Variants in STARD8 observed in about 807,000 individuals in gnomAD.
The protein encoded by STARD8 is StAR related lipid transfer domain containing 8.
STARD8 carries 25 observed loss-of-function variants against 69.4 expected under a neutral mutation model. That is an observed-to-expected ratio of 0.36 (90% confidence interval 0.26 to 0.50). The LOEUF (loss-of-function observed/expected upper bound fraction) is 0.50. Among genes scored for constraint, STARD8 ranks in the 20% least tolerant of loss-of-function variants. The pLI, the probability that STARD8 is intolerant of heterozygous loss-of-function variation, is 0.96. For synonymous variants in STARD8, 389 were observed against 374.6 expected (o/e 1.04, Z -0.45); for missense variants, 921 against 932.5 (o/e 0.99, Z 0.16).
intron 2 of STARD8, among the ~76,000 whole-genome samples, chrX:68,697,805 T>C (rs2079933146): frequency 8.9e-6 from 1 of 112,132 alleles, no homozygotes; most frequent in African/African-American, 3.2e-5. Context: ...AGAGATTCCC[T>C]CAGTGCAGGC....
chrX:68,653,151 C>A (rs2079575067), intron 1 of STARD8, among the ~76,000 whole-genome samples: 7 of 26,914 alleles, frequency 2.6e-4, no homozygotes, highest in African/African-American at 9.7e-4. Context: ...ACACACACCA[C>A]ACCAAACACA....
chrX:68,721,987 T>A, intron 10 of STARD8, 60 bp from the exon 11 acceptor site: 1 of 1,055,035 alleles, frequency 9.5e-7, no homozygotes, highest in Non-Finnish European at 1.3e-6. Flanking sequence ...GCAGCCTGTC[T>A]GCCATCTTGT....
rs941020503 is a variant in STARD8, at chrX:68,724,478, G to T, written c.*56G>T. On this transcript the variant is annotated 3_prime_UTR_variant, in exon 15 of 15. Coordinates refer to ENST00000374599, the MANE Select transcript of STARD8 (RefSeq NM_001142503.3). ...CAGGCCCCCTGGGCACCAAGGGAGC[G>T]AGGGGGAATAAGAGCAGGGCAGCCC... 3 of 1,050,395 alleles carry T rather than the reference G, an allele frequency of 2.9e-6. No individual in the cohort carries two copies. Among genetic ancestry groups the T allele is most frequent in the Non-Finnish European group, 3.9e-6 (3 of 764,434 alleles). The allele number at this position is 1,050,395 out of a possible 1,213,427, so 86.6% of individuals were successfully genotyped here. A position where few individuals can be genotyped will look rare whatever the true frequency, so the allele number is the denominator to read the frequency against.
At chrX:68,654,409 T>A (rs1396207948) in intron 1 of STARD8, among the ~76,000 whole-genome samples, 1 of 111,550 alleles carries the variant, frequency 9.0e-6, no homozygotes, top group Non-Finnish European at 1.9e-5. Flanking sequence ...AAGGCTTCTA[T>A]GGGAGTTAAA....
intron 1 of STARD8, among the ~76,000 whole-genome samples, chrX:68,653,069 C>A (rs900822698): frequency 3.2e-5 from 1 of 30,998 alleles, no homozygotes; most frequent in East Asian, 1.2e-3. Context: ...ACACCACACA[C>A]CACACACACA....
chrX:68,658,897 G>T (rs764948202), intron 1 of STARD8, among the ~76,000 whole-genome samples: 61 of 112,649 alleles, frequency 5.4e-4, no homozygotes, highest in Non-Finnish European at 9.8e-4. Context: ...CTGCCAAGGG[G>T]CAGGGGAAAG....
chrX:68,661,965 TCTCTC>T (rs1569353743), intron 1 of STARD8, among the ~76,000 whole-genome samples: 13 of 77,367 alleles, frequency 1.7e-4, no homozygotes, highest in South Asian at 1.4e-3. Context: ...TCTCTCTCTC[TCTCTC>T]TCTTTCTTTC....
At chrX:68,689,239 G>C (rs763679535) in intron 2 of STARD8, among the ~76,000 whole-genome samples, 2 of 105,081 alleles carry the variant, frequency 1.9e-5, no homozygotes, top group African/African-American at 7.0e-5. Flanking sequence ...CAAGTGCTCT[G>C]TCCACGGTGA....
Position 68,717,840 on chromosome X carries a change from C to T in STARD8, c.926C>T (p.Thr309Ile), listed in dbSNP as rs1344089785. The T allele has an allele frequency of 3.3e-6, 4 of 1,209,429 alleles. No individual in the cohort carries two copies. The highest frequency in any genetic ancestry group is 4.5e-6 in the Non-Finnish European group (4 of 894,719). ...GTTCCTGGGGACCACAAACCAGGCA[C>T]ATTCCCTCGCTCCCTGTCCATTGAG... ...VHVPGDHKPG[T>I]FPRSLSIESL... The change falls in exon 6 of 15, where the codon ACA (threonine) becomes ATA (isoleucine). Residue 309 changes from threonine to isoleucine, a missense_variant. Coordinates refer to ENST00000374599, the MANE Select transcript of STARD8 (RefSeq NM_001142503.3).
chrX:68,668,111 T>TTCG (rs2079699333), intron 2 of STARD8, among the ~76,000 whole-genome samples: 2 of 96,863 alleles, frequency 2.1e-5, no homozygotes, highest in African/African-American at 8.0e-5. Context: ...CTTTCTTTCT[T>TTCG]TCTGTCTTTC....
chrX:68,661,104 C>T lies in STARD8; in HGVS notation c.46-4395C>T, dbSNP rs936280316. On this transcript the variant is annotated intron_variant, in intron 1 of 14. Coordinates refer to ENST00000374599, the MANE Select transcript of STARD8 (RefSeq NM_001142503.3). Reference sequence around the variant, plus strand: ...GAAGGGAGAGGTGGGGCAGAGAAACCAGGCAAGGCAAGGAAAAAAAGTCTC... The same window carrying T: ...GAAGGGAGAGGTGGGGCAGAGAAACTAGGCAAGGCAAGGAAAAAAAGTCTC... 3.6e-5 allele frequency among the ~76,000 whole-genome samples: 4 copies of T among 111,455 alleles called. No individual in the cohort carries two copies. The Admixed American group carries it at 3.8e-4, about 11-fold the overall frequency.
At chrX:68,686,103 G>A in intron 2 of STARD8, among the ~76,000 whole-genome samples, 1 of 111,998 alleles carries the variant, frequency 8.9e-6, no homozygotes, top group South Asian at 3.7e-4. Flanking sequence ...TCAGTGGAGG[G>A]AAAACTCGCA....
chrX:68,712,775 G>A (rs2080060995), intron 2 of STARD8, 139 bp from the exon 3 acceptor site: 1 of 553,123 alleles, frequency 1.8e-6, no homozygotes, highest in South Asian at 3.2e-5. Flanking sequence ...AGGACCTCTG[G>A]CCTTCTCTTG....
rs373291071 is a variant in STARD8, at chrX:68,722,464, G to A, written c.2617G>A (p.Ala873Thr). Residue 873 changes from alanine to threonine, a missense_variant, in exon 12 of 15, where the codon GCA becomes ACA. By Grantham distance (58) the Ala-to-Thr change is moderately conservative (BLOSUM62 0). Transcript: ENST00000374599. ...MVLQLCSSYSAAELSPPGPAL... is the reference protein window; with the variant it reads ...MVLQLCSSYSTAELSPPGPAL... The stretch of plus-strand genomic sequence containing the variant: ...GCTGCAGCTGTGCAGCTCCTACAGC[G>A]CAGCTGAGCTCAGCCCTCCCGGCCC... The A allele has an allele frequency of 4.4e-5, 53 of 1,207,287 alleles. No homozygotes were observed. The highest frequency in any genetic ancestry group is 1.9e-4 in the African/African-American group (11 of 57,335).
chrX:68,723,683 C>A lies in STARD8; in HGVS notation c.2857C>A (p.Pro953Thr), dbSNP rs2080171674. 3 of 1,199,141 alleles carry A rather than the reference C, an allele frequency of 2.5e-6. No individual in the cohort carries two copies. Among genetic ancestry groups the A allele is most frequent in the East Asian group, 3.0e-5 (1 of 33,194 alleles). The change falls in exon 13 of 15, where the codon CCA (proline) becomes ACA (threonine). Residue 953 changes from proline to threonine, a missense_variant. Transcript: ENST00000374599. ...WKASTEVAAPPAVVLHRVLRE... is the reference protein window; with the variant it reads ...WKASTEVAAPTAVVLHRVLRE... ...GGCATCCACAGAGGTGGCAGCCCCC[C>A]CAGCTGTGGTGCTGCATCGTGTTCT... is the stretch of plus-strand genomic sequence containing the variant.
At chrX:68,667,130 A>C (rs1021114235) in intron 2 of STARD8, among the ~76,000 whole-genome samples, 11 of 112,246 alleles carry the variant, frequency 9.8e-5, no homozygotes, top group African/African-American at 3.6e-4. Context: ...GCTATTTCTT[A>C]GGTTAAAGTT....
intron 1 of STARD8, among the ~76,000 whole-genome samples, chrX:68,659,138 A>C (rs766840170): frequency 1.8e-4 from 20 of 112,236 alleles, no homozygotes; most frequent in African/African-American, 6.1e-4. Context: ...CATGAGGAGA[A>C]TATTCCCCAC....
In STARD8 at chrX:68,722,603, T is replaced by G; in HGVS notation, c.2756T>G (p.Met919Arg). Residue 919 changes from methionine (M) to arginine (R), a missense_variant, in exon 12 of 15, where the codon ATG (methionine) becomes AGG (arginine). Physicochemically the swap from Met to Arg is moderately conservative, Grantham distance 91 (BLOSUM62 -1). Coordinates refer to ENST00000374599, the MANE Select transcript of STARD8 (RefSeq NM_001142503.3). Reference sequence around the variant, plus strand: ...GCTGCTGAGCGCTTCAAGGGCTGGATGAGCGTGCCAGGGCCCCAGCACACG... The same window carrying G: ...GCTGCTGAGCGCTTCAAGGGCTGGAGGAGCGTGCCAGGGCCCCAGCACACG... ...RDAAERFKGW[M>R]SVPGPQHTEL... The G allele has an allele frequency of 1.7e-6, 2 of 1,211,925 alleles. No homozygotes were observed. Among genetic ancestry groups the G allele is most frequent in the African/African-American group, 3.5e-5 (2 of 57,892 alleles).
intron 2 of STARD8, among the ~76,000 whole-genome samples, chrX:68,697,207 T>C (rs1336273381): frequency 8.9e-6 from 1 of 112,285 alleles, no homozygotes; most frequent in African/African-American, 3.2e-5. Context: ...CCGGTAAGTG[T>C]TCATATTTCC....
Sources: allele counts gnomAD v4.1 joint callset (sites outside exome capture counted in the v4.1 genomes callset), GRCh38; gene constraint gnomAD v4.1.1; transcripts MANE v1.5; gene names NCBI Gene and HGNC (gene_info 2026-07-23, HGNC 2026-07-21).